Variants in SEMA4B observed in about 807,000 individuals in gnomAD.
SEMA4B encodes semaphorin-4B.
In SEMA4B, 55 loss-of-function variants were observed where a neutral mutation model predicts 88.1. That is an observed-to-expected ratio of 0.62 (90% confidence interval 0.50 to 0.78). SEMA4B has a LOEUF of 0.78. SEMA4B is among the 30% of genes least tolerant of loss of function. The pLI, the probability that SEMA4B is intolerant of heterozygous loss-of-function variation, is 0.00. For missense variants in SEMA4B, 1,062 were observed against 1,111.9 expected (o/e 0.96, Z 0.64); for synonymous variants, 525 against 473.6 (o/e 1.11, Z -1.41).
At position 90,224,984 on chromosome 15, in the gene SEMA4B, C is replaced by T; in HGVS notation, c.1211C>T (p.Ala404Val). Residue 404 changes from alanine to valine, a missense_variant, in exon 10 of 14, where the codon GCC becomes GTC. Physicochemically the swap from Ala to Val is moderately conservative, Grantham distance 64. Coordinates refer to ENST00000411539, the MANE Select transcript of SEMA4B (RefSeq NM_198925.4). ...CTCCTCCAGTGCATCACCAACAGTG[C>T]CCGGGAAAGGAAGATCAACTCATCC... ...PRPGACITNSARERKINSSLQ... is the reference protein window; with the variant it reads ...PRPGACITNSVRERKINSSLQ... The T allele has an allele frequency of 3.1e-6, 5 of 1,613,892 alleles. No homozygotes were observed. The highest frequency in any genetic ancestry group is 4.2e-6 in the Non-Finnish European group (5 of 1,179,844).
intron 4 of SEMA4B, among the ~76,000 whole-genome samples, chr15:90,220,472 A>G (rs1444373803): frequency 2.1e-5 from 3 of 139,572 alleles, no homozygotes; most frequent in Non-Finnish European, 4.5e-5. Context: ...GGTTCACGCC[A>G]TTCTCCTGCC....
chr15:90,220,963 T>A lies in SEMA4B; in HGVS notation c.484-19T>A, dbSNP rs1961799882. The A allele has an allele frequency of 6.5e-7, 1 of 1,546,694 alleles. No homozygotes were observed. Among genetic ancestry groups the A allele is most frequent in the Admixed American group, 1.8e-5 (1 of 55,364 alleles). ...ATTCCCTGGAGTGCCCCTGAGCCCA[T>A]GTGTCCACCCTCCTGCAGAACATGG... On this transcript the variant is annotated intron_variant, in intron 4 of 13. Coordinates refer to ENST00000411539, the MANE Select transcript of SEMA4B (RefSeq NM_198925.4).
rs763333473 is a variant in SEMA4B, at chr15:90,223,909, G to T, written c.1115G>T (p.Gly372Val). 6.2e-7 allele frequency: 1 copy of T among 1,613,926 alleles called. No individual in the cohort carries two copies. The highest frequency in any genetic ancestry group is 1.1e-5 in the South Asian group (1 of 91,088). Residue 372 changes from glycine to valine, a missense_variant, in exon 9 of 14, where the codon GGC becomes GTC. Coordinates refer to ENST00000411539, the MANE Select transcript of SEMA4B (RefSeq NM_198925.4). ...AAGGATGTGCAGAGAGTCTTCAGCGGCCTCTACAAGGAGGTGAACCGTGAG... is the reference window on the plus strand; with the variant it reads ...AAGGATGTGCAGAGAGTCTTCAGCGTCCTCTACAAGGAGGTGAACCGTGAG... Reference protein sequence around the residue: ...TMKDVQRVFSGLYKEVNRETQ... With the variant: ...TMKDVQRVFSVLYKEVNRETQ...
intron 1 of SEMA4B, among the ~76,000 whole-genome samples, chr15:90,213,864 T>TA (rs1300224344): frequency 6.6e-6 from 1 of 152,234 alleles, no homozygotes; most frequent in Non-Finnish European, 1.5e-5. Context: ...GTGATCTTTA[T>TA]ATGTCTCATT....
Position 90,228,814 on chromosome 15 carries a change from C to T in SEMA4B, c.*171C>T. 1 of 870,288 alleles carries T rather than the reference C, an allele frequency of 1.1e-6. No homozygotes were observed. Among genetic ancestry groups the T allele is most frequent in the Non-Finnish European group, 1.7e-6 (1 of 583,710 alleles). The allele number at this position is 870,288 out of a possible 1,614,324, so 53.9% of individuals were successfully genotyped here. A position where few individuals can be genotyped will look rare whatever the true frequency, so the allele number is the denominator to read the frequency against. On this transcript the variant is annotated 3_prime_UTR_variant, in exon 14 of 14. Transcript: ENST00000411539. ...GCTCTCCAGTCAAGTAGCGAAGCTCCTACCACCCAGACACCCAAACAGCCG... is the reference window on the plus strand; with the variant it reads ...GCTCTCCAGTCAAGTAGCGAAGCTCTTACCACCCAGACACCCAAACAGCCG...
Position 90,229,173 on chromosome 15 carries a change from A to T in SEMA4B, c.*530A>T. 1 of 380,896 alleles carries T rather than the reference A, an allele frequency of 2.6e-6. No individual in the cohort carries two copies. Among genetic ancestry groups the T allele is most frequent in the East Asian group, 7.5e-5 (1 of 13,314 alleles). The allele number at this position is 380,896 out of a possible 1,614,324, so 23.6% of individuals were successfully genotyped here. On this transcript the variant is annotated 3_prime_UTR_variant, in exon 14 of 14. Coordinates refer to ENST00000411539, the MANE Select transcript of SEMA4B (RefSeq NM_198925.4). Reference sequence around the variant, plus strand: ...CTGCGTGCGTTCTGCCTTGCCAGTCAGCCGAGGATGTAGTTGTTGCTGCCG... The same window carrying T: ...CTGCGTGCGTTCTGCCTTGCCAGTCTGCCGAGGATGTAGTTGTTGCTGCCG...
At chr15:90,187,047 T>C (rs1041062452) in intron 1 of SEMA4B, among the ~76,000 whole-genome samples, 3 of 152,200 alleles carry the variant, frequency 2.0e-5, no homozygotes, top group Non-Finnish European at 4.4e-5. Flanking sequence ...TGGGGAGAGC[T>C]GAGTCTCCCC....
rs950867179 is a variant in SEMA4B at position 90,225,341 on chromosome 15, C to T, written c.1465C>T (p.Leu489=). The change falls in exon 11 of 14, where the codon CTG becomes TTG. Residue 489 remains leucine, a synonymous_variant. Coordinates refer to ENST00000411539, the MANE Select transcript of SEMA4B (RefSeq NM_198925.4). ...CCCCCGGGTGCACATCATTGAGGAGCTGCAGATCTTCTCATCGGGACAGCC... is the reference window on the plus strand; with the variant it reads ...CCCCCGGGTGCACATCATTGAGGAGTTGCAGATCTTCTCATCGGGACAGCC... The part of the protein sequence containing the change: ...VGPRVHIIEE[L]QIFSSGQPVQ... The T allele has an allele frequency of 6.4e-7, 1 of 1,558,074 alleles. No homozygotes were observed. The highest frequency in any genetic ancestry group is 8.7e-7 in the Non-Finnish European group (1 of 1,151,728).
Position 90,225,746 on chromosome 15 carries a change from T to G in SEMA4B, c.1607T>G (p.Leu536Arg). The change falls in exon 12 of 14, where the codon CTC becomes CGC. Residue 536 changes from leucine (L) to arginine (R), a missense_variant. Transcript: ENST00000411539. Reference protein sequence around the residue: ...CSLYRSCGDCLLARDPYCAWS... With the variant: ...CSLYRSCGDCRLARDPYCAWS... ...CTGTACAGGAGCTGTGGGGACTGCC[T>G]CCTCGCCCGGGACCCCTACTGTGCT... The G allele has an allele frequency of 6.3e-7, 1 of 1,576,294 alleles. No homozygotes were observed. Among genetic ancestry groups the G allele is most frequent in the Non-Finnish European group, 8.6e-7 (1 of 1,162,470 alleles).
chr15:90,195,034 T>C (rs1960458252), intron 1 of SEMA4B, among the ~76,000 whole-genome samples: 1 of 151,982 alleles, frequency 6.6e-6, no homozygotes, highest in East Asian at 1.9e-4. Flanking sequence ...ATTTCCCCAA[T>C]TGCTCCATGG....
Position 90,212,682 on chromosome 15 carries a change from G to A in SEMA4B, c.158-4757G>A, listed in dbSNP as rs1447206929. ...CACACACACACCACAGGCAAGCTCA[G>A]GCAGGGTCCTTCACAGACGTCTGCA... On this transcript the variant is annotated intron_variant, in intron 1 of 13. Coordinates refer to ENST00000411539, the MANE Select transcript of SEMA4B (RefSeq NM_198925.4). The surrounding 1 kb of genome is among the most constrained non-coding windows in gnomAD (Gnocchi z 4.0). 5.9e-5 allele frequency among the ~76,000 whole-genome samples: 9 copies of A among 151,968 alleles called. No individual in the cohort carries two copies. The highest frequency in any genetic ancestry group is 1.3e-4 in the Non-Finnish European group (9 of 68,006).
Position 90,220,362 on chromosome 15 carries a change from CTTTTCTTTTT to C in SEMA4B, c.483+476_483+485del, listed in dbSNP as rs1465002202. The C allele has an allele frequency of 2.9e-4, 37 of 129,256 alleles. No individual in the cohort carries two copies. In the South Asian group the frequency reaches 9.0e-3, roughly 31 times the overall value. 8.0% of individuals were successfully genotyped at this position (129,256 alleles called of 1,614,324 possible). ...ATCATTTTATTTCTTTTTTCTTTTT[CTTTTCTTTTT>C]TTTTTTTTTTTTTGAGATGGAGTCT... On this transcript the variant is annotated intron_variant, in intron 4 of 13. Coordinates refer to ENST00000411539, the MANE Select transcript of SEMA4B (RefSeq NM_198925.4).
At chr15:90,201,167 G>T (rs1960692441), upstream of SEMA4B, among the ~76,000 whole-genome samples, 1 of 152,078 alleles carries the variant, frequency 6.6e-6, no homozygotes, top group African/African-American at 2.4e-5. Flanking sequence ...CCGCGTCCCA[G>T]CGCTCCGGCG....
intron 3 of SEMA4B, 183 bp downstream of exon 3, chr15:90,218,012 G>A (rs770153293): frequency 1.4e-5 from 8 of 569,110 alleles, no homozygotes; most frequent in Admixed American, 3.0e-5. Context: ...TACGACCTTC[G>A]ACAAGTAGAT....
At chr15:90,210,448 A>G (rs1011863702) in intron 1 of SEMA4B, among the ~76,000 whole-genome samples, 1 of 152,206 alleles carries the variant, frequency 6.6e-6, no homozygotes, top group East Asian at 1.9e-4. Context: ...CTAGAGAGCA[A>G]GAACATTCAG....
At chr15:90,227,733 C>T in intron 13 of SEMA4B, 91 bp downstream of exon 13, 1 of 1,486,872 alleles carries the variant, frequency 6.7e-7, no homozygotes, top group Non-Finnish European at 9.2e-7. Context: ...AATGCCTTTC[C>T]TCACTTCCTT....
At position 90,228,398 on chromosome 15, in the gene SEMA4B, C is replaced by A; in HGVS notation, c.2269C>A (p.His757Asn). The change falls in exon 14 of 14, where the codon CAC becomes AAC. Residue 757 changes from histidine (H) to asparagine (N), a missense_variant. Coordinates refer to ENST00000411539, the MANE Select transcript of SEMA4B (RefSeq NM_198925.4). Reference sequence around the variant, plus strand: ...GAAGCAGGGGGAATGTGCCAGCGTGCACCCCAAGACCTGCCCTGTGGTGCT... The same window carrying A: ...GAAGCAGGGGGAATGTGCCAGCGTGAACCCCAAGACCTGCCCTGTGGTGCT... ...FLKQGECASV[H>N]PKTCPVVLPP... 6.2e-7 allele frequency: 1 copy of A among 1,600,058 alleles called. No individual in the cohort carries two copies. The highest frequency in any genetic ancestry group is 8.5e-7 in the Non-Finnish European group (1 of 1,173,144).
In SEMA4B at chr15:90,223,980, C is replaced by G; in HGVS notation, c.1186C>G (p.Pro396Ala). The change falls in exon 9 of 14, where the codon CCT (proline) becomes GCT (alanine). Residue 396 changes from proline to alanine, a missense_variant. Pro to Ala is a conservative substitution (Grantham distance 27, BLOSUM62 -1). Coordinates refer to ENST00000411539, the MANE Select transcript of SEMA4B (RefSeq NM_198925.4). The stretch of plus-strand genomic sequence containing the variant: ...GACCCACCCGGTGCCCACACCCCGG[C>G]CTGGAGCGGTGGGTACTGGCTCCCT... ...TVTHPVPTPRPGACITNSARE... is the reference protein window; with the variant it reads ...TVTHPVPTPRAGACITNSARE... 1.2e-6 allele frequency: 2 copies of G among 1,612,664 alleles called. No individual in the cohort carries two copies. The highest frequency in any genetic ancestry group is 1.7e-6 in the Non-Finnish European group (2 of 1,179,590).
In SEMA4B at chr15:90,223,846, G is replaced by C; in HGVS notation, c.1052G>C (p.Gly351Ala). 1 of 1,613,904 alleles carries C rather than the reference G, an allele frequency of 6.2e-7. No homozygotes were observed. Among genetic ancestry groups the C allele is most frequent in the Non-Finnish European group, 8.5e-7 (1 of 1,179,856 alleles). Residue 351 changes from glycine to alanine, a missense_variant, in exon 9 of 14, where the codon GGA becomes GCA. By Grantham distance (60) the Gly-to-Ala change is moderately conservative. Transcript: ENST00000411539. Reference sequence around the variant, plus strand: ...GGTTATTTCCTCTGCAGGCACAGGGGAACTACAGAAGGCTCTGCCGTCTGT... The same window carrying C: ...GGTTATTTCCTCTGCAGGCACAGGGCAACTACAGAAGGCTCTGCCGTCTGT... ...YGVFTSQWHRGTTEGSAVCVF... is the reference protein window; with the variant it reads ...YGVFTSQWHRATTEGSAVCVF...
Sources: allele counts gnomAD v4.1 joint callset (sites outside exome capture counted in the v4.1 genomes callset), GRCh38; gene constraint gnomAD v4.1.1; non-coding constraint Gnocchi (gnomAD v3.1); transcripts MANE v1.5; gene names NCBI Gene and HGNC (gene_info 2026-07-23, HGNC 2026-07-21).